Variants in FRS2 observed in about 807,000 individuals in gnomAD.
The protein encoded by FRS2 is fibroblast growth factor receptor substrate 2.
FRS2 carries 8 observed loss-of-function variants against 43.9 expected under a neutral mutation model. The observed-to-expected ratio is 0.18, with a 90% CI of 0.11 to 0.33. The LOEUF (loss-of-function observed/expected upper bound fraction) is 0.33. Ranked by LOEUF, FRS2 falls within the 10% of genes least tolerant of loss-of-function variation. The pLI is 1.00. For synonymous variants in FRS2, 219 were observed against 220.3 expected (o/e 0.99, Z 0.05); for missense variants, 534 against 627.6 (o/e 0.85, Z 1.59).
At chr12:69,541,095 C>T (rs910493127) in intron 3 of FRS2, among the ~76,000 whole-genome samples, 1 of 151,954 alleles carries the variant, frequency 6.6e-6, no homozygotes, top group South Asian at 2.1e-4. Context: ...AAACTGAGTC[C>T]CTCAAGAATT....
chr12:69,476,913 C>A (rs1395360528), intron 1 of FRS2, among the ~76,000 whole-genome samples: 1 of 152,066 alleles, frequency 6.6e-6, no homozygotes, highest in Non-Finnish European at 1.5e-5. Flanking sequence ...ATGTCCAAGG[C>A]AAAATGTTCA....
At chr12:69,556,750 T>A (rs1294694914) in intron 3 of FRS2, among the ~76,000 whole-genome samples, 7 of 152,244 alleles carry the variant, frequency 4.6e-5, no homozygotes, top group Non-Finnish European at 8.8e-5. Context: ...GTTTATGGTT[T>A]GAATAATATT....
chr12:69,540,985 A>T (rs1044663631), intron 3 of FRS2, among the ~76,000 whole-genome samples: 23 of 152,228 alleles, frequency 1.5e-4, no homozygotes, highest in Non-Finnish European at 1.3e-4. Context: ...GGTCAGGATT[A>T]TCAAAAACAA....
chr12:69,517,970 C>T (rs920675851), intron 1 of FRS2, among the ~76,000 whole-genome samples: 1 of 151,708 alleles, frequency 6.6e-6, no homozygotes, highest in Admixed American at 6.6e-5. Flanking sequence ...GCATTTTTTT[C>T]CTATATTGCA....
chr12:69,541,670 C>T (rs1037314459), intron 3 of FRS2, among the ~76,000 whole-genome samples: 7 of 151,756 alleles, frequency 4.6e-5, no homozygotes, highest in African/African-American at 1.4e-4. Context: ...ATTAAAAATA[C>T]AAAAATTAGC....
At chr12:69,501,253 T>G (rs1285821332) in intron 1 of FRS2, among the ~76,000 whole-genome samples, 1 of 151,802 alleles carries the variant, frequency 6.6e-6, no homozygotes, top group South Asian at 2.1e-4. Flanking sequence ...AGACAAGATA[T>G]AAATAAATAC....
At chr12:69,557,982 A>T (rs542705734) in intron 3 of FRS2, 7 of 151,446 alleles carry the variant, frequency 4.6e-5, no homozygotes, top group African/African-American at 1.5e-4. Flanking sequence ...AAATTGTTTT[A>T]TATATATGTG....
chr12:69,509,940 A>T (rs530617844), intron 1 of FRS2, among the ~76,000 whole-genome samples: 2 of 152,136 alleles, frequency 1.3e-5, no homozygotes, highest in African/African-American at 2.4e-5. Flanking sequence ...TTAAGAATTT[A>T]TTGGGAATTT....
intron 1 of FRS2, among the ~76,000 whole-genome samples, chr12:69,473,131 C>T (rs1870459361): frequency 6.6e-6 from 1 of 152,176 alleles, no homozygotes; most frequent in Non-Finnish European, 1.5e-5. Flanking sequence ...ATTTACTGAA[C>T]AGACTTAATG....
At chr12:69,487,688 T>C (rs1481993340) in intron 1 of FRS2, among the ~76,000 whole-genome samples, 2 of 152,198 alleles carry the variant, frequency 1.3e-5, no homozygotes, top group Admixed American at 1.3e-4. Context: ...TACTATTTTG[T>C]AACACTATAG....
chr12:69,575,732 C>A lies in FRS2; in HGVS notation c.*777C>A, dbSNP rs1881149384. Reference sequence around the variant, plus strand: ...GAACCACAATCTCCTGAAAGTTTTTCTCCTATAGATTGTTGACAACACATT... The same window carrying A: ...GAACCACAATCTCCTGAAAGTTTTTATCCTATAGATTGTTGACAACACATT... On this transcript the variant is annotated 3_prime_UTR_variant, in exon 9 of 9. Transcript: ENST00000549921. The A allele has an allele frequency of 6.6e-6, 1 of 152,630 alleles. No homozygotes were observed. The highest frequency in any genetic ancestry group is 2.1e-4 in the South Asian group (1 of 4,824). The allele number at this position is 152,630 out of a possible 1,614,324, so 9.5% of individuals were successfully genotyped here.
chr12:69,553,954 G>A (rs1229668433), intron 3 of FRS2, among the ~76,000 whole-genome samples: 1 of 152,158 alleles, frequency 6.6e-6, no homozygotes, highest in African/African-American at 2.4e-5. Flanking sequence ...ATTCCCCTAA[G>A]ATGTGAATTT....
At chr12:69,489,239 G>T (rs1312378609) in intron 1 of FRS2, among the ~76,000 whole-genome samples, 2 of 152,144 alleles carry the variant, frequency 1.3e-5, no homozygotes, top group Non-Finnish European at 2.9e-5. Context: ...AGGTAATCTT[G>T]AGTGGTCTTC....
intron 3 of FRS2, among the ~76,000 whole-genome samples, chr12:69,552,302 C>CAA (rs35353764): frequency 0.51 from 26,140 of 51,188 alleles, 8,088 homozygotes; most frequent in Non-Finnish European, 0.59. Flanking sequence ...AACTCCGTCT[C>CAA]AAAAAAAAAA....
chr12:69,470,616 C>G (rs1234743365), intron 1 of FRS2, 86 bp downstream of exon 1: 7 of 353,428 alleles, frequency 2.0e-5, no homozygotes, highest in Non-Finnish European at 2.8e-5. Context: ...GCTTCGGGAT[C>G]CGGGCTGAGG....
At chr12:69,573,096 G>A (rs1880899018) in intron 8 of FRS2, among the ~76,000 whole-genome samples, 1 of 152,204 alleles carries the variant, frequency 6.6e-6, no homozygotes, top group Non-Finnish European at 1.5e-5. Context: ...GCCTCCCAAA[G>A]TGTTGGGATT....
intron 1 of FRS2, among the ~76,000 whole-genome samples, chr12:69,485,244 G>A (rs147419335): frequency 0.012 from 1,892 of 151,928 alleles, 24 homozygotes; most frequent in African/African-American, 0.031. Context: ...GTGCAGTGGC[G>A]CCGTCTCCGC....
chr12:69,535,976 A>G (rs958052558), intron 3 of FRS2, among the ~76,000 whole-genome samples: 1 of 151,736 alleles, frequency 6.6e-6, no homozygotes, highest in Non-Finnish European at 1.5e-5. Context: ...TTTTATCATT[A>G]TGAAAGGGCC....
intron 1 of FRS2, among the ~76,000 whole-genome samples, chr12:69,526,567 A>G (rs1876249256): frequency 6.6e-6 from 1 of 152,220 alleles, no homozygotes; most frequent in Non-Finnish European, 1.5e-5. Context: ...GTTCCACATG[A>G]GAGGATTTTT....
Sources: gnomAD v4.1 joint callset for allele counts (sites outside exome capture counted in the v4.1 genomes callset) on GRCh38, gnomAD v4.1.1 for gene constraint, MANE v1.5 for transcripts, NCBI Gene and HGNC (gene_info 2026-07-23, HGNC 2026-07-21) for gene names.